MS4A3: variants seen among roughly 807,000 people sequenced by gnomAD.
The protein encoded by MS4A3 is membrane-spanning 4-domains subfamily A member 3.
MS4A3 carries 18 observed loss-of-function variants against 24.7 expected under a neutral mutation model. That is an observed-to-expected ratio of 0.73 (90% CI 0.50 to 1.08). MS4A3 has a LOEUF of 1.08. Among genes scored for constraint, MS4A3 ranks in the 50% least tolerant of loss-of-function variants. MS4A3 has a pLI of 0.00. For missense variants in MS4A3, 282 were observed against 251.7 expected (o/e 1.12, Z -0.82); for synonymous variants, 84 against 95.3 (o/e 0.88, Z 0.69).
At chr11:60,063,831 A>G (rs140076419) in intron 3 of MS4A3, among the ~76,000 whole-genome samples, 6,897 of 152,260 alleles carry the variant, frequency 0.045, 184 homozygotes, top group Middle Eastern at 0.095. Context: ...ATGCAAAGGC[A>G]TAAGAATGAC....
chr11:60,062,695 A>G, intron 3 of MS4A3, 90 bp downstream of exon 3: 1 of 1,459,076 alleles, frequency 6.9e-7, no homozygotes, highest in Non-Finnish European at 9.3e-7. Context: ...TTTGTAGGTT[A>G]TTGGAAGGTT....
At chr11:60,060,644 TC>T (rs1855257495) in intron 1 of MS4A3, among the ~76,000 whole-genome samples, 2 of 152,148 alleles carry the variant, frequency 1.3e-5, no homozygotes, top group African/African-American at 2.4e-5. Context: ...TCAATTTTTT[TC>T]ATCTGTGAAA....
chr11:60,062,205 G>C (rs507035), intron 2 of MS4A3, among the ~76,000 whole-genome samples: 94,849 of 151,874 alleles, frequency 0.62, 29,871 homozygotes, highest in East Asian at 0.82. Context: ...CTGTTTTACT[G>C]TCCTGCCACT....
At chr11:60,061,938 T>G in intron 2 of MS4A3, among the ~76,000 whole-genome samples, 1 of 152,214 alleles carries the variant, frequency 6.6e-6, no homozygotes, top group Non-Finnish European at 1.5e-5. Flanking sequence ...GTAGAAAACA[T>G]CAAACCTTGG....
At position 60,062,551 on chromosome 11, in the gene MS4A3, G is replaced by A. The variant is rs1855293701; in HGVS notation, c.240G>A (p.Lys80=). 1 of 1,613,914 alleles carries A rather than the reference G, an allele frequency of 6.2e-7. No homozygotes were observed. Among genetic ancestry groups the A allele is most frequent in the Admixed American group, 1.7e-5 (1 of 59,986 alleles). The change falls in exon 3 of 7, where the codon AAG becomes AAA. Residue 80 remains lysine, a synonymous_variant. Transcript: ENST00000278865. ...GSLQYPYHFQ[K]HFFFFTFYTG... ...TGCAATACCCATACCACTTCCAAAA[G>A]CACTTCTTTTTCTTCACCTTCTACA...
At chr11:60,062,362 C>A in intron 2 of MS4A3, 106 bp from the exon 3 acceptor site, 3 of 1,356,038 alleles carry the variant, frequency 2.2e-6, no homozygotes, top group South Asian at 1.3e-5. Context: ...ACACTTTAAC[C>A]ATTTCAAGCA....
intron 5 of MS4A3, among the ~76,000 whole-genome samples, chr11:60,067,838 G>A (rs1012214387): frequency 6.6e-6 from 1 of 151,374 alleles, no homozygotes; most frequent in Admixed American, 6.6e-5. Flanking sequence ...ACGAGGTCGA[G>A]AGATCGAGAC....
At chr11:60,061,077 C>T in intron 1 of MS4A3, 69 bp from the exon 2 acceptor site, 2 of 1,419,336 alleles carry the variant, frequency 1.4e-6, no homozygotes, top group Non-Finnish European at 1.9e-6. Context: ...CCTTCTGTAA[C>T]ACTCAAAATT....
intron 4 of MS4A3, among the ~76,000 whole-genome samples, chr11:60,066,643 C>T (rs919074121): frequency 6.6e-6 from 1 of 152,246 alleles, no homozygotes; most frequent in Non-Finnish European, 1.5e-5. Flanking sequence ...TGAACCCCCA[C>T]TCCTCTCTTT....
intron 1 of MS4A3, among the ~76,000 whole-genome samples, chr11:60,059,703 G>T (rs1221626380): frequency 6.6e-6 from 1 of 152,148 alleles, no homozygotes. Context: ...TCCTGCAAAA[G>T]ACATGATCTC....
chr11:60,059,077 T>C (rs954477056), intron 1 of MS4A3, among the ~76,000 whole-genome samples: 29 of 152,342 alleles, frequency 1.9e-4, no homozygotes, highest in African/African-American at 7.0e-4. Context: ...GAAACTTTGA[T>C]GAAGAGTATT....
At position 60,058,506 on chromosome 11, in the gene MS4A3, C is replaced by CAAAAAAAAAAAAAAAAAAAAAAAA. The variant is rs58722616; in HGVS notation, c.-16+1779_-16+1802dup. Reference sequence around the variant, plus strand: ...TGGGAGACAGAGCAAAGCTCCAACTCAAAAAAAAAAAAAAAAAAAAAAAAA... The same window carrying CAAAAAAAAAAAAAAAAAAAAAAAA: ...TGGGAGACAGAGCAAAGCTCCAACTCAAAAAAAAAAAAAAAAAAAAAAAAAAAAAAAAAAAAAAAAAAAAAAAAA... On this transcript the variant is annotated intron_variant, in intron 1 of 6. Coordinates refer to ENST00000278865, the MANE Select transcript of MS4A3 (RefSeq NM_006138.5). Among the ~76,000 whole-genome samples the CAAAAAAAAAAAAAAAAAAAAAAAA allele has an allele frequency of 1.7e-4, 3 of 17,890 alleles. 1 individual carries two copies. The highest frequency in any genetic ancestry group is 3.9e-4 in the African/African-American group (3 of 7,710). The allele number at this position is 17,890 out of a possible 152,430, so 11.7% of individuals were successfully genotyped here.
intron 3 of MS4A3, among the ~76,000 whole-genome samples, chr11:60,063,024 C>T (rs1023952273): frequency 2.0e-5 from 3 of 152,172 alleles, no homozygotes; most frequent in Admixed American, 6.5e-5. Flanking sequence ...TCTCGAACTC[C>T]TGACCACAAG....
chr11:60,069,843 A>G (rs531800284), intron 6 of MS4A3, among the ~76,000 whole-genome samples, 168 bp downstream of exon 6: 1 of 152,316 alleles, frequency 6.6e-6, no homozygotes, highest in East Asian at 1.9e-4. Flanking sequence ...GTAGAAAAGA[A>G]TTTGGATGTG....
intron 1 of MS4A3, among the ~76,000 whole-genome samples, chr11:60,059,501 G>A (rs540808190): frequency 2.0e-5 from 3 of 152,176 alleles, no homozygotes; most frequent in Non-Finnish European, 2.9e-5. Context: ...CAGGTACTAA[G>A]CCTAGTACTC....
intron 6 of MS4A3, among the ~76,000 whole-genome samples, chr11:60,069,966 G>C (rs571457254): frequency 6.6e-6 from 1 of 152,100 alleles, no homozygotes; most frequent in East Asian, 1.9e-4. Flanking sequence ...GTATGACCTA[G>C]GAAAAATTAA....
intron 3 of MS4A3, 164 bp downstream of exon 3, chr11:60,062,769 AT>A (rs1855297989): frequency 4.0e-6 from 2 of 493,878 alleles, no homozygotes; most frequent in African/African-American, 2.0e-5. Context: ...ACTCTTTTTT[AT>A]TTTTTAATTT....
chr11:60,062,510 G>C lies in MS4A3; in HGVS notation c.199G>C (p.Val67Leu). Residue 67 changes from valine (V) to leucine (L), a missense_variant, in exon 3 of 7, where the codon GTC becomes CTC. By Grantham distance (32) the Val-to-Leu change is conservative. Coordinates refer to ENST00000278865, the MANE Select transcript of MS4A3 (RefSeq NM_006138.5). ...TGCAGCAATGATTCTGGCTTTGGGT[G>C]TCTTTCTGGGTTCCTTGCAATACCC... ...LNAAMILALG[V>L]FLGSLQYPYH... 1.2e-6 allele frequency: 2 copies of C among 1,614,114 alleles called. No individual in the cohort carries two copies. Among genetic ancestry groups the C allele is most frequent in the Non-Finnish European group, 1.7e-6 (2 of 1,179,982 alleles).
chr11:60,063,343 G>T (rs1017005931), intron 3 of MS4A3, among the ~76,000 whole-genome samples: 1 of 152,136 alleles, frequency 6.6e-6, no homozygotes, highest in African/African-American at 2.4e-5. Context: ...CATTCAATCA[G>T]AAGAAATAGG....
Sources: gnomAD v4.1 joint callset for allele counts (sites outside exome capture counted in the v4.1 genomes callset) on GRCh38, gnomAD v4.1.1 for gene constraint, MANE v1.5 for transcripts, NCBI Gene and HGNC (gene_info 2026-07-23, HGNC 2026-07-21) for gene names.